The following KCNAB2 variants were observed in gnomAD, a reference collection of about 807,000 sequenced individuals.
The protein encoded by KCNAB2 is potassium voltage-gated channel subfamily A regulatory beta subunit 2.
A neutral mutation model predicts 63.6 loss-of-function variants in KCNAB2; 29 were observed. The observed-to-expected ratio is 0.46, with a 90% CI of 0.34 to 0.62. The LOEUF (loss-of-function observed/expected upper bound fraction) is 0.62, where lower values mean the gene tolerates loss of function less well. Among genes scored for constraint, KCNAB2 ranks in the 20% least tolerant of loss-of-function variants. KCNAB2 has a pLI of 0.01. For missense variants in KCNAB2, 359 were observed against 563.9 expected (o/e 0.64, Z 3.68); for synonymous variants, 222 against 224.2 (o/e 0.99, Z 0.09).
rs922742186 is a variant in KCNAB2, at chr1:6,071,747, C to G, written c.219-1008C>G. Among the ~76,000 whole-genome samples, 9 of 151,754 alleles carry G rather than the reference C, an allele frequency of 5.9e-5. No individual in the cohort carries two copies. Among genetic ancestry groups the G allele is most frequent in the Non-Finnish European group, 1.3e-4 (9 of 67,826 alleles). ...GTAGGACTCCTGCGGCGAGGGCTCC[C>G]TCCTGCCGCGTGGGCTCCTCCTGCC... On this transcript the variant is annotated intron_variant, in intron 2 of 15. Coordinates refer to ENST00000378083, the MANE Select transcript of KCNAB2 (RefSeq NM_001199862.2). The surrounding 1 kb of genome is among the most constrained non-coding windows in gnomAD (Gnocchi z 8.5).
upstream of KCNAB2, among the ~76,000 whole-genome samples, chr1:6,033,923 T>G (rs1347383608): frequency 1.3e-5 from 2 of 152,172 alleles, no homozygotes; most frequent in Non-Finnish European, 2.9e-5. Flanking sequence ...GCAGACCAAG[T>G]GGAAGTGGAG....
At position 6,017,913 on chromosome 1, in the gene KCNAB2, C is replaced by CA. The variant is rs982418688; in HGVS notation, c.-52-22595dup. ...GATGTTGTCCTGGAACAGGGTTCAGCAAAAAAAAATTTTTTTTTAGACAAG... is the reference window on the plus strand; with the variant it reads ...GATGTTGTCCTGGAACAGGGTTCAGCAAAAAAAAAATTTTTTTTTAGACAAG... On this transcript the variant is annotated intron_variant, in intron 1 of 16. Coordinates refer to the KCNAB2 transcript ENST00000341524. 4.7e-4 allele frequency among the ~76,000 whole-genome samples: 70 copies of CA among 149,202 alleles called. 1 individual carries two copies. Among genetic ancestry groups the CA allele is most frequent in the Non-Finnish European group, 7.8e-4 (53 of 67,776 alleles).
rs756736558 is a variant in KCNAB2, at chr1:6,085,187, G to A, written c.381-17G>A. The A allele has an allele frequency of 4.1e-5, 66 of 1,613,648 alleles. No homozygotes were observed. Among genetic ancestry groups the A allele is most frequent in the Middle Eastern group, 3.3e-4 (2 of 6,082 alleles). ...TTCTGTTTGGCTGTGATGAGAGCTC[G>A]GTGTCTTGTTTTGCAGGGCTGAAGT... On this transcript the variant is annotated splice_polypyrimidine_tract_variant and intron_variant, in intron 5 of 15. Coordinates refer to ENST00000378083, the MANE Select transcript of KCNAB2 (RefSeq NM_001199862.2).
At chr1:6,025,965 C>A (rs990464502) in intron 1 of KCNAB2, 2 of 153,100 alleles carry the variant, frequency 1.3e-5, no homozygotes, top group African/African-American at 4.9e-5. Flanking sequence ...TCCCGGCACA[C>A]AGCCGATCCC....
At position 6,074,734 on chromosome 1, in the gene KCNAB2, C is replaced by T. The variant is rs568253228; in HGVS notation, c.300+964C>T. On this transcript the variant is annotated intron_variant, in intron 4 of 15. Coordinates refer to ENST00000378083, the MANE Select transcript of KCNAB2 (RefSeq NM_001199862.2). The surrounding 1 kb of genome is among the most constrained non-coding windows in gnomAD (Gnocchi z 4.9). Reference sequence around the variant, plus strand: ...CAGCACTTTGGAAGGCTGGGGCGGGCGGATCACCTGAGGTCAGGAGTTCCA... The same window carrying T: ...CAGCACTTTGGAAGGCTGGGGCGGGTGGATCACCTGAGGTCAGGAGTTCCA... Among the ~76,000 whole-genome samples the T allele has an allele frequency of 4.4e-3, 675 of 152,152 alleles. 7 individuals are homozygous for T. Among genetic ancestry groups the T allele is most frequent in the African/African-American group, 0.015 (635 of 41,508 alleles).
intron 1 of KCNAB2, among the ~76,000 whole-genome samples, chr1:6,048,935 T>C (rs1661165835): frequency 6.6e-6 from 1 of 152,346 alleles, no homozygotes; most frequent in East Asian, 1.9e-4. Flanking sequence ...GAACCTCTCC[T>C]GGAGTCCGGG....
upstream of KCNAB2, among the ~76,000 whole-genome samples, chr1:6,033,333 TTGTGCA>T (rs1416368113): frequency 6.8e-6 from 1 of 146,880 alleles, no homozygotes; most frequent in Middle Eastern, 3.4e-3. Context: ...TGTGCCTGTA[TTGTGCA>T]TGTGTGTGTG....
rs748929866 is a variant in KCNAB2 at position 6,090,385 on chromosome 1, C to G, written c.515-4C>G. On this transcript the variant is annotated splice_region_variant and splice_polypyrimidine_tract_variant and intron_variant, in intron 8 of 15. Transcript: ENST00000378083. ...TGACGCCCCCCCACCTGGTCCTCCC[C>G]CAGGTCTGAAAGCTTCCCTGGAGCG... The G allele has an allele frequency of 6.2e-7, 1 of 1,612,860 alleles. No homozygotes were observed. Among genetic ancestry groups the G allele is most frequent in the Non-Finnish European group, 8.5e-7 (1 of 1,179,054 alleles).
At chr1:6,046,246 G>A (rs530598965) in intron 1 of KCNAB2, 63 bp downstream of exon 1, 53 of 965,222 alleles carry the variant, frequency 5.5e-5, no homozygotes, top group Middle Eastern at 5.3e-4. Context: ...ACGCATCCGC[G>A]GGAATGAAAA....
At chr1:6,090,599 C>G in intron 9 of KCNAB2, 124 bp downstream of exon 9, 2 of 702,992 alleles carry the variant, frequency 2.8e-6, no homozygotes, top group Non-Finnish European at 4.9e-6. Context: ...GAGAGGAGGC[C>G]GGGTCCAGGG....
intron 2 of KCNAB2, among the ~76,000 whole-genome samples, chr1:6,056,890 C>CCCACT (rs1661875571): frequency 6.6e-6 from 1 of 151,906 alleles, no homozygotes; most frequent in Non-Finnish European, 1.5e-5. Context: ...TAAACAAGCA[C>CCCACT]CTATGAAGTC....
At chr1:6,040,539 G>C (rs201381401) in exon 2 of KCNAB2, 4 of 1,605,606 alleles carry the variant, frequency 2.5e-6, no homozygotes, top group Non-Finnish European at 3.4e-6. Context: ...GTAAAAAACC[G>C]AGCAAGTCTG....
At chr1:6,091,578 C>T (rs898540731) in intron 10 of KCNAB2, among the ~76,000 whole-genome samples, 5 of 151,886 alleles carry the variant, frequency 3.3e-5, no homozygotes, top group African/African-American at 9.7e-5. Flanking sequence ...AGCTCCGCGG[C>T]GGCCGGGGGT....
Position 6,035,945 on chromosome 1 carries a change from G to A in KCNAB2, c.-53+1151G>A, listed in dbSNP as rs1431922893. On this transcript the variant is annotated intron_variant, in intron 1 of 15. Coordinates refer to the KCNAB2 transcript ENST00000164247. This position sits in a 1 kb window ranked among gnomAD's most constrained non-coding sequence, Gnocchi z 5.0. ...AGGAGTGGCTGGAGGGATGAGAGGG[G>A]AGCGTGGAGTCCTGGGAGCTGGGGA... 1 of 153,030 alleles carries A rather than the reference G, an allele frequency of 6.5e-6. No homozygotes were observed. The highest frequency in any genetic ancestry group is 1.5e-5 in the Non-Finnish European group (1 of 68,750). The allele number at this position is 153,030 out of a possible 1,614,324, so 9.5% of individuals were successfully genotyped here. A position where few individuals can be genotyped will look rare whatever the true frequency, so the allele number is the denominator to read the frequency against.
At chr1:6,048,665 C>T (rs1042421474) in intron 1 of KCNAB2, among the ~76,000 whole-genome samples, 11 of 152,368 alleles carry the variant, frequency 7.2e-5, no homozygotes, top group African/African-American at 1.9e-4. Context: ...AGGGAACTTG[C>T]GTGTCTGAGG....
chr1:6,037,752 G>A (rs1051798828), intron 1 of KCNAB2, among the ~76,000 whole-genome samples: 1 of 152,100 alleles, frequency 6.6e-6, no homozygotes, highest in Non-Finnish European at 1.5e-5. Context: ...TGCCTTTGAG[G>A]CCCCTCCAGC....
chr1:6,041,899 C>T, upstream of KCNAB2: 1 of 1,611,188 alleles, frequency 6.2e-7, no homozygotes, highest in African/African-American at 1.3e-5. Flanking sequence ...CTCCCTAAAA[C>T]CCAGCGAGCC....
Position 6,098,567 on chromosome 1 carries a change from G to A in KCNAB2, c.1241G>A (p.Arg414Lys), listed in dbSNP as rs1665837674. 5 of 1,613,898 alleles carry A rather than the reference G, an allele frequency of 3.1e-6. No homozygotes were observed. The highest frequency in any genetic ancestry group is 4.2e-6 in the Non-Finnish European group (5 of 1,179,954). Residue 414 changes from arginine to lysine, a missense_variant, in exon 16 of 16, where the codon AGA (arginine) becomes AAA (lysine). By Grantham distance (26) the Arg-to-Lys change is conservative. This residue lies in a region of KCNAB2 where 271 missense variants were observed against 476.1 expected (regional missense o/e 0.57). Coordinates refer to ENST00000378083, the MANE Select transcript of KCNAB2 (RefSeq NM_001199862.2). The part of the protein sequence containing the change: ...GNKPYSKKDY[R>K]S ...AAACCCTACAGCAAAAAGGACTACAGATCCTAAGCCGCCCCCGCCCGCCTG... is the reference window on the plus strand; with the variant it reads ...AAACCCTACAGCAAAAAGGACTACAAATCCTAAGCCGCCCCCGCCCGCCTG...
chr1:6,052,152 T>C (rs1327642210), intron 2 of KCNAB2, among the ~76,000 whole-genome samples: 1 of 151,964 alleles, frequency 6.6e-6, no homozygotes, highest in Non-Finnish European at 1.5e-5. Context: ...CCAGGCACGG[T>C]GGCTCATGCC....
Sources: allele counts gnomAD v4.1 joint callset (sites outside exome capture counted in the v4.1 genomes callset), GRCh38; gene constraint gnomAD v4.1.1; regional missense constraint gnomAD v4.1.1; non-coding constraint Gnocchi (gnomAD v3.1); transcripts MANE v1.5; gene names NCBI Gene and HGNC (gene_info 2026-07-23, HGNC 2026-07-21).